The following KIF3B variants were observed in gnomAD, a reference collection of about 807,000 sequenced individuals.
The protein encoded by KIF3B is kinesin-like protein KIF3B.
Under a neutral mutation model 74.3 loss-of-function variants are expected in KIF3B, and 38 were observed. The ratio of observed to expected loss-of-function variants is 0.51; its 90% CI spans 0.39 to 0.67. KIF3B has a LOEUF of 0.67. Among genes scored for constraint, KIF3B ranks in the 30% least tolerant of loss-of-function variants. KIF3B has a pLI of 0.00. For synonymous variants in KIF3B, 326 were observed against 342.5 expected (o/e 0.95, Z 0.53); for missense variants, 649 against 932.0 (o/e 0.70, Z 3.95).
In KIF3B at chr20:32,322,556, C is replaced by T. The variant is rs577623872; in HGVS notation, c.1749-4215C>T. The stretch of plus-strand genomic sequence containing the variant: ...CCTGGAGGCGGAGGTTGCAGTGAGC[C>T]GAGATTGCGCCATTGCACTCCAGCC... On this transcript the variant is annotated intron_variant, in intron 5 of 8. Coordinates refer to ENST00000375712, the MANE Select transcript of KIF3B (RefSeq NM_004798.4). 1.6e-4 allele frequency among the ~76,000 whole-genome samples: 23 copies of T among 140,948 alleles called. No homozygotes were observed. The South Asian group carries it at 3.7e-3, about 23-fold the overall frequency. 92.5% of individuals were successfully genotyped at this position (140,948 alleles called of 152,430 possible).
Position 32,290,333 on chromosome 20 carries a change from A to G in KIF3B, c.-66+12568A>G, listed in dbSNP as rs140010481. Among the ~76,000 whole-genome samples the G allele has an allele frequency of 7.0e-3, 1,072 of 152,178 alleles. 13 individuals carry two copies. The highest frequency in any genetic ancestry group is 0.024 in the African/African-American group (981 of 41,508). ...GGGAGGTGGAAGTTGCAGTGAGCCG[A>G]GATCACGCCACTACACTGCAGCCTG... On this transcript the variant is annotated intron_variant, in intron 1 of 8. Transcript: ENST00000375712.
intron 1 of KIF3B, among the ~76,000 whole-genome samples, chr20:32,299,277 T>C (rs1257894371): frequency 6.6e-6 from 1 of 150,584 alleles, no homozygotes; most frequent in African/African-American, 2.4e-5. Context: ...TAACTTTGTT[T>C]ACAAAACCAG....
intron 1 of KIF3B, among the ~76,000 whole-genome samples, chr20:32,295,858 T>C (rs1195720428): frequency 1.4e-5 from 2 of 146,384 alleles, no homozygotes; most frequent in Non-Finnish European, 3.0e-5. Flanking sequence ...TATTATCTTT[T>C]TTTTTTTTTT....
intron 1 of KIF3B, among the ~76,000 whole-genome samples, chr20:32,279,467 C>CT (rs769199761): frequency 0.014 from 1,914 of 139,780 alleles, 32 homozygotes; most frequent in African/African-American, 0.043. Flanking sequence ...TAGTTGGAAT[C>CT]TTTTTTTTTT....
intron 1 of KIF3B, among the ~76,000 whole-genome samples, chr20:32,284,675 G>T (rs2047659366): frequency 2.0e-5 from 3 of 152,120 alleles, no homozygotes; most frequent in Admixed American, 6.6e-5. Context: ...ACAAGGCCCA[G>T]ATCTAATAAA....
chr20:32,295,539 C>T (rs1423775625), intron 1 of KIF3B, among the ~76,000 whole-genome samples: 7 of 151,998 alleles, frequency 4.6e-5, no homozygotes, highest in Non-Finnish European at 1.0e-4. Flanking sequence ...GTGATCCACC[C>T]GCCTCAGCCT....
At chr20:32,292,729 C>T (rs935397691) in intron 1 of KIF3B, among the ~76,000 whole-genome samples, 1 of 152,062 alleles carries the variant, frequency 6.6e-6, no homozygotes, top group Non-Finnish European at 1.5e-5. Flanking sequence ...TGCACTCCAG[C>T]CTGGGCAACA....
At chr20:32,307,498 G>A (rs186510453) in intron 1 of KIF3B, among the ~76,000 whole-genome samples, 216 of 152,206 alleles carry the variant, frequency 1.4e-3, no homozygotes, top group African/African-American at 4.8e-3. Flanking sequence ...TTATGTATAT[G>A]TCATTGTTTA....
rs759159278 is a variant in KIF3B, at chr20:32,310,171, C to A, written c.394C>A (p.Arg132=). 6.2e-7 allele frequency: 1 copy of A among 1,613,188 alleles called. No individual in the cohort carries two copies. Among genetic ancestry groups the A allele is most frequent in the South Asian group, 1.1e-5 (1 of 91,058 alleles). ...SFDHIFTHIS[R]SQNQQYLVRA... ...TGACCATATCTTCACCCACATCTCTCGATCCCAGAATCAACAATACCTGGT... is the reference window on the plus strand; with the variant it reads ...TGACCATATCTTCACCCACATCTCTAGATCCCAGAATCAACAATACCTGGT... Residue 132 remains arginine, a synonymous_variant, in exon 2 of 9, where the codon CGA becomes AGA. Transcript: ENST00000375712. The surrounding 1 kb of genome is among the most constrained non-coding windows in gnomAD (Gnocchi z 6.5).
chr20:32,328,779 T>G (rs2047916350), intron 7 of KIF3B, among the ~76,000 whole-genome samples: 1 of 152,180 alleles, frequency 6.6e-6, no homozygotes, highest in Non-Finnish European at 1.5e-5. Flanking sequence ...TCAGGTACTT[T>G]CATCTCACAA....
At position 32,325,396 on chromosome 20, in the gene KIF3B, A is replaced by C. The variant is rs917038938; in HGVS notation, c.1749-1375A>C. On this transcript the variant is annotated intron_variant, in intron 5 of 8. Coordinates refer to ENST00000375712, the MANE Select transcript of KIF3B (RefSeq NM_004798.4). ...GTAGAGACAGGGTTTTGCCATGTTT[A>C]TCAGGCTGGTCTCGAACTCCTGACC... is the stretch of plus-strand genomic sequence containing the variant. 3.9e-5 allele frequency among the ~76,000 whole-genome samples: 6 copies of C among 151,946 alleles called. No individual in the cohort carries two copies. In the South Asian group the frequency reaches 1.2e-3, roughly 31 times the overall value.
intron 1 of KIF3B, 79 bp downstream of exon 1, chr20:32,277,844 G>A: frequency 5.9e-6 from 1 of 170,268 alleles, no homozygotes. Context: ...ACCTGCGCCC[G>A]CGCCTCTGCC....
chr20:32,306,964 C>G (rs578200135), intron 1 of KIF3B, among the ~76,000 whole-genome samples: 1 of 152,226 alleles, frequency 6.6e-6, no homozygotes, highest in East Asian at 1.9e-4. Context: ...CTGTTACTAC[C>G]TTTAGAAGTA....
intron 2 of KIF3B, among the ~76,000 whole-genome samples, chr20:32,315,892 C>G (rs2047824836): frequency 6.6e-6 from 1 of 151,860 alleles, no homozygotes. Context: ...ATTGCATCCC[C>G]AGGACCTAAC....
In KIF3B at chr20:32,316,888, C is replaced by T; in HGVS notation, c.1748+14C>T. 4 of 1,549,546 alleles carry T rather than the reference C, an allele frequency of 2.6e-6. No individual in the cohort carries two copies. Among genetic ancestry groups the T allele is most frequent in the Middle Eastern group, 1.8e-4 (1 of 5,540 alleles). Reference sequence around the variant, plus strand: ...GCTGAAACTCAAGTAAGTGCCAGGCCTTCCATAGTGCCCCCAAGCCACTTG... The same window carrying T: ...GCTGAAACTCAAGTAAGTGCCAGGCTTTCCATAGTGCCCCCAAGCCACTTG... On this transcript the variant is annotated intron_variant, in intron 5 of 8. Coordinates refer to ENST00000375712, the MANE Select transcript of KIF3B (RefSeq NM_004798.4).
At chr20:32,316,916 G>C in intron 5 of KIF3B, 42 bp downstream of exon 5, 1 of 1,365,642 alleles carries the variant, frequency 7.3e-7, no homozygotes, top group Non-Finnish European at 1.0e-6. Context: ...GCCACTTGCT[G>C]AGTCATTGAT....
intron 2 of KIF3B, 110 bp downstream of exon 2, chr20:32,311,291 T>G: frequency 8.0e-7 from 1 of 1,242,932 alleles, no homozygotes; most frequent in East Asian, 2.6e-5. Flanking sequence ...TCATCAGTTT[T>G]GGATTTCCAA....
intron 1 of KIF3B, among the ~76,000 whole-genome samples, chr20:32,282,069 C>T (rs1416228263): frequency 3.9e-5 from 6 of 152,120 alleles, no homozygotes; most frequent in East Asian, 1.9e-4. Context: ...GGAGAAGGGA[C>T]GTGGCATGAT....
chr20:32,299,099 G>A, intron 1 of KIF3B, among the ~76,000 whole-genome samples: 1 of 151,930 alleles, frequency 6.6e-6, no homozygotes, highest in East Asian at 1.9e-4. Context: ...TGTTAAATCT[G>A]TAAGCCTAAT....
Sources: allele counts gnomAD v4.1 joint callset (sites outside exome capture counted in the v4.1 genomes callset), GRCh38; gene constraint gnomAD v4.1.1; non-coding constraint Gnocchi (gnomAD v3.1); transcripts MANE v1.5; gene names NCBI Gene and HGNC (gene_info 2026-07-23, HGNC 2026-07-21).